Variants in OR3A2 observed in about 807,000 individuals in gnomAD.
OR3A2 encodes olfactory receptor family 3 subfamily A member 2, also known as olfactory receptor 3A2.
For missense variants in OR3A2, 318 were observed against 392.8 expected (o/e 0.81, Z 1.61); for synonymous variants, 126 against 159.3 (o/e 0.79, Z 1.57).
At chr17:3,381,318 GTTT>G (rs76590302) in intron 2 of OR3A2, among the ~76,000 whole-genome samples, 1 of 143,408 alleles carries the variant, frequency 7.0e-6, no homozygotes, top group African/African-American at 2.5e-5. Context: ...CAAACATAGG[GTTT>G]TTTTTTTTTT....
intron 3 of OR3A2, among the ~76,000 whole-genome samples, chr17:3,318,977 A>G (rs1331986313): frequency 1.3e-5 from 2 of 152,062 alleles, no homozygotes; most frequent in Non-Finnish European, 2.9e-5. Flanking sequence ...ACCCTATTCT[A>G]TAGCTTTAAA....
rs1246837919 is a variant in OR3A2 at position 3,319,077 on chromosome 17, C to G, written c.-85+16956G>C. Among the ~76,000 whole-genome samples, 9 of 152,260 alleles carry G rather than the reference C, an allele frequency of 5.9e-5. No individual in the cohort carries two copies. The South Asian group carries it at 1.9e-3, about 32-fold the overall frequency. The stretch of plus-strand genomic sequence containing the variant: ...CATACACACCAAATCATGGTGTACA[C>G]TGGTGAATAAATGATAAGTAGTCCA... On this transcript the variant is annotated intron_variant, in intron 3 of 4. Coordinates refer to the OR3A2 transcript ENST00000573491.
chr17:3,326,388 T>C lies in OR3A2; in HGVS notation c.-85+9645A>G, dbSNP rs189480389. On this transcript the variant is annotated intron_variant, in intron 3 of 4. Coordinates refer to the OR3A2 transcript ENST00000573491. ...AATCTAGGCAATACCATTCAGAACATAGGCATCGGCAAAGATTGTTGCGGG... is the reference window on the plus strand; with the variant it reads ...AATCTAGGCAATACCATTCAGAACACAGGCATCGGCAAAGATTGTTGCGGG... 1.4e-3 allele frequency among the ~76,000 whole-genome samples: 212 copies of C among 152,136 alleles called. 1 individual carries two copies. In the Middle Eastern group the frequency reaches 0.031, roughly 22 times the overall value.
At chr17:3,371,485 T>G (rs1209722908) in intron 2 of OR3A2, among the ~76,000 whole-genome samples, 1 of 107,640 alleles carries the variant, frequency 9.3e-6, no homozygotes, top group Admixed American at 9.4e-5. Flanking sequence ...TCCCCCCACC[T>G]CCCTCCCGGA....
chr17:3,280,719 G>A (rs1042249034), intron 1 of OR3A2, among the ~76,000 whole-genome samples: 1 of 152,222 alleles, frequency 6.6e-6, no homozygotes, highest in African/African-American at 2.4e-5. Context: ...AGCAGCTGGA[G>A]GGGAACAGTG....
chr17:3,307,916 G>A (rs1597330591), intron 3 of OR3A2, among the ~76,000 whole-genome samples: 1 of 152,262 alleles, frequency 6.6e-6, no homozygotes, highest in East Asian at 1.9e-4. Flanking sequence ...CCAAGATGAT[G>A]GGCTGGATTA....
At chr17:3,318,822 C>T (rs1042735923) in intron 3 of OR3A2, among the ~76,000 whole-genome samples, 2 of 152,190 alleles carry the variant, frequency 1.3e-5, no homozygotes, top group Non-Finnish European at 2.9e-5. Context: ...ATCAACTAGA[C>T]AGATTGTACC....
chr17:3,276,142 C>G (rs553539717), downstream of OR3A2, among the ~76,000 whole-genome samples: 2 of 143,164 alleles, frequency 1.4e-5, no homozygotes, highest in African/African-American at 5.2e-5. Context: ...TTCATCACAA[C>G]ATTGTTGTTG....
chr17:3,279,105 C>T lies in OR3A2; in HGVS notation c.-6-182G>A. ...CTCTTGGTTGACATGCCCAATGACA[C>T]CACCACCTTGTCCTCCTCATCCTCT... On this transcript the variant is annotated intron_variant, in intron 1 of 1. The change creates a new upstream start codon in the 5' untranslated region. Transcript: ENST00000642052. The T allele has an allele frequency of 1.1e-6, 1 of 910,994 alleles. No homozygotes were observed. The highest frequency in any genetic ancestry group is 2.9e-5 in the Admixed American group (1 of 34,326). The allele number at this position is 910,994 out of a possible 1,614,324, so 56.4% of individuals were successfully genotyped here. A position where few individuals can be genotyped will look rare whatever the true frequency, so the allele number is the denominator to read the frequency against.
At chr17:3,339,870 G>T (rs416191) in intron 2 of OR3A2, among the ~76,000 whole-genome samples, 88,926 of 151,942 alleles carry the variant, frequency 0.59, 26,969 homozygotes, top group African/African-American at 0.72. Context: ...TTTGTACTTC[G>T]GGTAGAATTC....
intron 3 of OR3A2, among the ~76,000 whole-genome samples, chr17:3,331,158 T>C (rs749696734): frequency 6.6e-6 from 1 of 152,316 alleles, no homozygotes; most frequent in South Asian, 2.1e-4. Flanking sequence ...TTTTCCTTCA[T>C]TGTTCAACTT....
At chr17:3,342,869 C>T (rs2049331238) in intron 2 of OR3A2, among the ~76,000 whole-genome samples, 1 of 152,208 alleles carries the variant, frequency 6.6e-6, no homozygotes, top group African/African-American at 2.4e-5. Flanking sequence ...TTTTGTTCAG[C>T]TATGCCCTGC....
At position 3,278,247 on chromosome 17, in the gene OR3A2, A is replaced by G. The variant is rs1304514073; in HGVS notation, c.671T>C (p.Val224Ala). The G allele has an allele frequency of 1.9e-6, 3 of 1,614,220 alleles. No individual in the cohort carries two copies. In the Admixed American group the frequency reaches 5.0e-5, roughly 27 times the overall value. Residue 224 changes from valine (V) to alanine (A), a missense_variant, in exon 2 of 2, where the codon GTG (valine) becomes GCG (alanine). By Grantham distance (64) the Val-to-Ala change is moderately conservative. Transcript: ENST00000642052. Reference sequence around the variant, plus strand: ...ACGGATTCGTAGAACTGCAGCTGCCACGTGGCTGTAGGCAGTGATGATGAG... The same window carrying G: ...ACGGATTCGTAGAACTGCAGCTGCCGCGTGGCTGTAGGCAGTGATGATGAG...
chr17:3,277,955 G>A, exon 2 of OR3A2: 1 of 1,574,456 alleles, frequency 6.4e-7, no homozygotes, highest in Non-Finnish European at 8.7e-7. Context: ...AGGAAAGGAG[G>A]GACCCCATTA....
intron 3 of OR3A2, chr17:3,310,394 C>T (rs976761353): frequency 5.6e-6 from 3 of 534,930 alleles, no homozygotes; most frequent in African/African-American, 3.9e-5. Flanking sequence ...CTCTACAGCC[C>T]ATCCTCTTTG....
intron 1 of OR3A2, among the ~76,000 whole-genome samples, chr17:3,282,341 G>A (rs1452790274): frequency 1.3e-5 from 2 of 152,188 alleles, no homozygotes; most frequent in African/African-American, 4.8e-5. Context: ...GGGAGGCGGA[G>A]GTTGCAGTGA....
chr17:3,307,715 G>T (rs2049008898), intron 3 of OR3A2, among the ~76,000 whole-genome samples: 1 of 152,178 alleles, frequency 6.6e-6, no homozygotes, highest in South Asian at 2.1e-4. Flanking sequence ...GAGACTAGAA[G>T]AGAAGCCGGG....
intron 2 of OR3A2, among the ~76,000 whole-genome samples, chr17:3,360,539 T>A (rs1191022024): frequency 6.6e-6 from 1 of 151,844 alleles, no homozygotes; most frequent in Non-Finnish European, 1.5e-5. Flanking sequence ...TCTAGGGTTT[T>A]TATGGTTTTA....
intron 2 of OR3A2, among the ~76,000 whole-genome samples, chr17:3,351,011 T>G (rs1355913449): frequency 6.6e-6 from 1 of 151,930 alleles, no homozygotes; most frequent in Non-Finnish European, 1.5e-5. Context: ...TCTCAATAAA[T>G]TAGGTATTGG....
Sources: allele counts gnomAD v4.1 joint callset (sites outside exome capture counted in the v4.1 genomes callset), GRCh38; gene constraint gnomAD v4.1.1; transcripts MANE v1.5; gene names NCBI Gene and HGNC (gene_info 2026-07-23, HGNC 2026-07-21).